DNAH17: variants seen among roughly 807,000 people sequenced by gnomAD.
DNAH17 encodes dynein axonemal heavy chain 17, also known as axonemal beta dynein heavy chain 17.
In DNAH17, 376 loss-of-function variants were observed where a neutral mutation model predicts 485.6. The ratio of observed to expected loss-of-function variants is 0.77; its 90% CI spans 0.71 to 0.84. The LOEUF is 0.84. Among genes scored for constraint, DNAH17 ranks in the 40% least tolerant of loss-of-function variants. DNAH17 has a pLI of 0.00. For synonymous variants in DNAH17, 3,031 were observed against 2,405.9 expected (o/e 1.26, Z -7.60); for missense variants, 6,370 against 5,839.3 (o/e 1.09, Z -2.96).
At chr17:78,467,701 TGTCCTACTAGGGGA>T (rs1172231196) in intron 55 of DNAH17, among the ~76,000 whole-genome samples, 2 of 152,150 alleles carry the variant, frequency 1.3e-5, no homozygotes, top group African/African-American at 4.8e-5. Flanking sequence ...AGGGGTTCTC[TGTCCTACTAGGGGA>T]GTTTAGCCTG....
chr17:78,491,607 C>T (rs773025905), intron 42 of DNAH17, 37 bp from the exon 43 acceptor site: 144 of 1,603,748 alleles, frequency 9.0e-5, no homozygotes, highest in Non-Finnish European at 1.2e-4. Context: ...GGGCCCTTCA[C>T]TCCGGCCCCA....
At position 78,475,383 on chromosome 17, in the gene DNAH17, C is replaced by G; in HGVS notation, c.8406G>C (p.Val2802=). The G allele has an allele frequency of 6.2e-7, 1 of 1,613,984 alleles. No individual in the cohort carries two copies. Among genetic ancestry groups the G allele is most frequent in the Non-Finnish European group, 8.5e-7 (1 of 1,179,910 alleles). The change falls in exon 54 of 81, where the codon GTG becomes GTC. Residue 2802 remains valine, a synonymous_variant. Transcript: ENST00000389840. The part of the protein sequence containing the change: ...SPRGNALLVG[V]GGSGKQSLSR... ...AGAGGCTCTGTTTGCCACTGCCGCC[C>G]ACCCCCACCAGCAGGGCATTCCCCC...
intron 58 of DNAH17, 89 bp downstream of exon 58, chr17:78,461,455 G>A: frequency 7.5e-7 from 1 of 1,331,048 alleles, no homozygotes; most frequent in Non-Finnish European, 9.8e-7. Flanking sequence ...TCCCACGCCT[G>A]TCGGTGGCAC....
chr17:78,426,717 C>T (rs778148637), intron 78 of DNAH17, 117 bp from the exon 79 acceptor site: 34 of 1,423,462 alleles, frequency 2.4e-5, no homozygotes, highest in East Asian at 1.4e-4. Context: ...CCTCTGGAGA[C>T]GCCCTGCATC....
At chr17:78,556,945 CG>C (rs1412257783) in intron 14 of DNAH17, among the ~76,000 whole-genome samples, 1 of 152,204 alleles carries the variant, frequency 6.6e-6, no homozygotes, top group Admixed American at 6.5e-5. Context: ...CATTGCCCTC[CG>C]GTTCCCGACT....
At position 78,502,690 on chromosome 17, in the gene DNAH17, C is replaced by A. The variant is rs890792233; in HGVS notation, c.5091G>T (p.Leu1697=). The A allele has an allele frequency of 6.2e-7, 1 of 1,611,884 alleles. No individual in the cohort carries two copies. Among genetic ancestry groups the A allele is most frequent in the Non-Finnish European group, 8.5e-7 (1 of 1,179,910 alleles). Residue 1697 remains leucine, a synonymous_variant, in exon 33 of 81, where the codon CTG becomes CTT. Coordinates refer to ENST00000389840, the MANE Select transcript of DNAH17 (RefSeq NM_173628.4). ...TCGTCCACCAGATCTGGGTGCAAGT[C>A]AGGGCCACCTGAAAGTACATACCCC... ...WILDYPAQVA[L]TCTQIWWTTE...
intron 2 of DNAH17, among the ~76,000 whole-genome samples, chr17:78,573,721 G>A (rs2092393675): frequency 6.6e-6 from 1 of 152,228 alleles, no homozygotes; most frequent in East Asian, 1.9e-4. Context: ...TGAGGACCCA[G>A]GGAGAAGATG....
At chr17:78,576,571 C>T (rs1206480920) in intron 1 of DNAH17, among the ~76,000 whole-genome samples, 1 of 152,144 alleles carries the variant, frequency 6.6e-6, no homozygotes. Context: ...TAATCTCCAC[C>T]CAGGATCTCC....
In DNAH17 at chr17:78,462,835, CT is replaced by C. The variant is rs1199006417; in HGVS notation, c.9174+8del. On this transcript the variant is annotated splice_region_variant and intron_variant, in intron 57 of 80. Transcript: ENST00000389840. ...GCACAGGAGCTGGCAGCCAGCCCCC[CT>C]CTCCTACCTGGGAAGCCGTGCTCTG... 12 of 1,613,674 alleles carry C rather than the reference CT, an allele frequency of 7.4e-6. No individual in the cohort carries two copies. The highest frequency in any genetic ancestry group is 2.7e-5 in the African/African-American group (2 of 74,918).
intron 65 of DNAH17, 148 bp downstream of exon 65, chr17:78,453,195 C>G: frequency 9.4e-7 from 1 of 1,063,494 alleles, no homozygotes; most frequent in South Asian, 1.6e-5. Context: ...CTGGGGGTTC[C>G]TTCCCACCAG....
intron 65 of DNAH17, 143 bp downstream of exon 65, chr17:78,453,200 C>T (rs993564534): frequency 8.9e-7 from 1 of 1,127,824 alleles, no homozygotes; most frequent in African/African-American, 1.6e-5. Flanking sequence ...GGTTCCTTCC[C>T]ACCAGCAGGC....
chr17:78,490,671 G>T, intron 44 of DNAH17, 28 bp downstream of exon 44: 1 of 1,588,476 alleles, frequency 6.3e-7, no homozygotes, highest in Non-Finnish European at 8.6e-7. Context: ...GCCGAGGTTT[G>T]GAACAGGAAA....
At chr17:78,452,265 A>G (rs1202803331) in intron 65 of DNAH17, among the ~76,000 whole-genome samples, 1 of 152,106 alleles carries the variant, frequency 6.6e-6, no homozygotes, top group Non-Finnish European at 1.5e-5. Flanking sequence ...GTCAGCTCTG[A>G]CATTTACATT....
chr17:78,431,349 C>T (rs1033356689), intron 75 of DNAH17, among the ~76,000 whole-genome samples: 3 of 152,148 alleles, frequency 2.0e-5, no homozygotes, highest in Non-Finnish European at 2.9e-5. Flanking sequence ...AAGACCTGTG[C>T]CCCTCTCCCC....
intron 77 of DNAH17, among the ~76,000 whole-genome samples, chr17:78,427,972 A>G (rs1202097856): frequency 3.7e-5 from 4 of 109,492 alleles, no homozygotes; most frequent in Non-Finnish European, 6.3e-5. Context: ...GTCTCAAAAA[A>G]AAAAAAAAAA....
At chr17:78,492,855 GTTT>G (rs570440887) in intron 41 of DNAH17, 90 bp from the exon 42 acceptor site, 4 of 632,776 alleles carry the variant, frequency 6.3e-6, no homozygotes, top group East Asian at 1.1e-4. Flanking sequence ...GGCCTGGATG[GTTT>G]TTTTTTTTTT....
intron 17 of DNAH17, among the ~76,000 whole-genome samples, chr17:78,543,315 G>C (rs1199093494): frequency 1.4e-5 from 2 of 141,372 alleles, no homozygotes; most frequent in Non-Finnish European, 1.5e-5. Flanking sequence ...ACGGAGTCTC[G>C]CTCTGTCGCC....
At chr17:78,460,582 T>C (rs558580751) in intron 58 of DNAH17, among the ~76,000 whole-genome samples, 5 of 152,332 alleles carry the variant, frequency 3.3e-5, no homozygotes, top group South Asian at 4.1e-4. Flanking sequence ...CCTGTGTGTG[T>C]GCTTGGCCCC....
At chr17:78,504,413 G>A (rs1371361329) in intron 31 of DNAH17, among the ~76,000 whole-genome samples, 2 of 152,060 alleles carry the variant, frequency 1.3e-5, no homozygotes, top group Admixed American at 6.6e-5. Context: ...CCTCGCTGTG[G>A]TCTGCAGTTC....
Sources: allele counts gnomAD v4.1 joint callset (sites outside exome capture counted in the v4.1 genomes callset), GRCh38; gene constraint gnomAD v4.1.1; transcripts MANE v1.5; gene names NCBI Gene and HGNC (gene_info 2026-07-23, HGNC 2026-07-21).